ZDHHC14: variants seen among roughly 807,000 people sequenced by gnomAD.
ZDHHC14 encodes palmitoyltransferase ZDHHC14.
In ZDHHC14, 16 loss-of-function variants were observed where a neutral mutation model predicts 47.7. The observed-to-expected ratio is 0.34, with a 90% confidence interval of 0.23 to 0.51. The LOEUF (loss-of-function observed/expected upper bound fraction) is 0.51, where lower values mean the gene tolerates loss of function less well. ZDHHC14 is among the 20% of genes least tolerant of loss of function. The probability of loss-of-function intolerance (pLI) is 0.97; values close to 1 mark genes in which losing one functional copy is unlikely to be tolerated. For missense variants in ZDHHC14, 515 were observed against 662.5 expected (o/e 0.78, Z 2.44); for synonymous variants, 293 against 278.9 (o/e 1.05, Z -0.50).
At chr6:157,446,811 T>TAC (rs753020372) in intron 1 of ZDHHC14, among the ~76,000 whole-genome samples, 2 of 152,176 alleles carry the variant, frequency 1.3e-5, no homozygotes, top group Non-Finnish European at 2.9e-5. Flanking sequence ...GTACAGTATA[T>TAC]ACACACATGG....
intron 1 of ZDHHC14, among the ~76,000 whole-genome samples, chr6:157,409,843 G>A (rs539296403): frequency 6.6e-6 from 1 of 151,558 alleles, no homozygotes; most frequent in African/African-American, 2.4e-5. Flanking sequence ...ATTTTTTGGG[G>A]GGGGGGACAG....
At chr6:157,455,839 TAGAG>T (rs1382323594) in intron 1 of ZDHHC14, among the ~76,000 whole-genome samples, 2 of 152,092 alleles carry the variant, frequency 1.3e-5, no homozygotes, top group South Asian at 2.1e-4. Flanking sequence ...GAAAGGAAAT[TAGAG>T]AGAGAAAGTA....
intron 3 of ZDHHC14, among the ~76,000 whole-genome samples, chr6:157,627,713 T>C (rs1326465856): frequency 6.6e-6 from 1 of 152,230 alleles, no homozygotes; most frequent in Non-Finnish European, 1.5e-5. Context: ...CTGAGCTGAA[T>C]GGCCCCGTGC....
chr6:157,404,217 A>G (rs2114750232), intron 1 of ZDHHC14, among the ~76,000 whole-genome samples: 1 of 150,952 alleles, frequency 6.6e-6, no homozygotes, highest in East Asian at 2.0e-4. Flanking sequence ...GCTCACTGCA[A>G]CCTCCACCTC....
At chr6:157,443,670 G>T (rs1778603238) in intron 1 of ZDHHC14, among the ~76,000 whole-genome samples, 1 of 152,178 alleles carries the variant, frequency 6.6e-6, no homozygotes, top group Admixed American at 6.5e-5. Flanking sequence ...ATGGCCAAGG[G>T]TATTTTCCCA....
At chr6:157,443,217 A>G (rs1376181319) in intron 1 of ZDHHC14, among the ~76,000 whole-genome samples, 1 of 152,146 alleles carries the variant, frequency 6.6e-6, no homozygotes, top group African/African-American at 2.4e-5. Flanking sequence ...CTGCTGCCTT[A>G]TGAAGAAGGT....
At chr6:157,628,271 G>T in intron 3 of ZDHHC14, 78 bp from the exon 4 acceptor site, 1 of 1,455,772 alleles carries the variant, frequency 6.9e-7, no homozygotes, top group South Asian at 1.3e-5. Context: ...TTGGGTGGGA[G>T]GGGCGGGGCT....
chr6:157,575,753 A>G (rs528935212), intron 2 of ZDHHC14, among the ~76,000 whole-genome samples: 3 of 152,328 alleles, frequency 2.0e-5, no homozygotes, highest in Non-Finnish European at 4.4e-5. Context: ...GCAGCAATGC[A>G]TTTTGTTGTG....
At chr6:157,401,093 G>C (rs1442214450) in intron 1 of ZDHHC14, among the ~76,000 whole-genome samples, 2 of 152,254 alleles carry the variant, frequency 1.3e-5, no homozygotes, top group Non-Finnish European at 2.9e-5. Context: ...CATGTGTGGA[G>C]TGTTTTCATT....
intron 2 of ZDHHC14, among the ~76,000 whole-genome samples, chr6:157,585,929 G>A (rs1783680553): frequency 1.3e-5 from 2 of 152,226 alleles, no homozygotes. Flanking sequence ...CAGCACTTGA[G>A]GGCCTGTGGC....
chr6:157,657,838 T>C (rs2114998639), intron 8 of ZDHHC14, among the ~76,000 whole-genome samples: 1 of 152,336 alleles, frequency 6.6e-6, no homozygotes, highest in East Asian at 1.9e-4. Context: ...GATGCCTTTT[T>C]ATCCCCATCT....
intron 1 of ZDHHC14, chr6:157,529,288 T>C (rs1451732925): frequency 1.3e-5 from 2 of 154,396 alleles, no homozygotes; most frequent in East Asian, 3.8e-4. Flanking sequence ...AGAAAGTTTA[T>C]CTTTTTTCAT....
intron 8 of ZDHHC14, among the ~76,000 whole-genome samples, chr6:157,671,046 C>T (rs1239229138): frequency 6.6e-6 from 1 of 152,234 alleles, no homozygotes; most frequent in Non-Finnish European, 1.5e-5. Flanking sequence ...CTCTGCACCG[C>T]TCTGTGGCTG....
intron 1 of ZDHHC14, among the ~76,000 whole-genome samples, chr6:157,437,064 G>A (rs1778454564): frequency 6.6e-6 from 1 of 152,210 alleles, no homozygotes; most frequent in Non-Finnish European, 1.5e-5. Context: ...GGTGACAACA[G>A]CTGGGCCTGC....
At chr6:157,576,477 G>T (rs1783314105) in intron 2 of ZDHHC14, among the ~76,000 whole-genome samples, 1 of 152,172 alleles carries the variant, frequency 6.6e-6, no homozygotes, top group Non-Finnish European at 1.5e-5. Context: ...TATATTCAAT[G>T]ACTCTTAAAG....
chr6:157,564,135 C>T (rs1216301743), intron 2 of ZDHHC14, among the ~76,000 whole-genome samples: 1 of 152,212 alleles, frequency 6.6e-6, no homozygotes, highest in African/African-American at 2.4e-5. Flanking sequence ...TTTCTGCTGA[C>T]CAGATTTTTA....
chr6:157,565,210 G>A (rs1012942997), intron 2 of ZDHHC14, among the ~76,000 whole-genome samples: 1 of 152,144 alleles, frequency 6.6e-6, no homozygotes, highest in Admixed American at 6.5e-5. Context: ...TTGCACCACT[G>A]CACTCCATCC....
At chr6:157,466,405 G>A (rs9393134) in intron 1 of ZDHHC14, among the ~76,000 whole-genome samples, 42,349 of 152,166 alleles carry the variant, frequency 0.28, 6,476 homozygotes, top group East Asian at 0.47. Flanking sequence ...CCAGGGTTTA[G>A]GACTGTGCTT....
chr6:157,408,116 T>A (rs1777804490), intron 1 of ZDHHC14, among the ~76,000 whole-genome samples: 1 of 152,230 alleles, frequency 6.6e-6, no homozygotes, highest in Admixed American at 6.5e-5. Flanking sequence ...CTCTGTTTTA[T>A]ACATCAGTTT....
Sources: gnomAD v4.1 joint callset for allele counts (sites outside exome capture counted in the v4.1 genomes callset) on GRCh38, gnomAD v4.1.1 for gene constraint, MANE v1.5 for transcripts, NCBI Gene and HGNC (gene_info 2026-07-23, HGNC 2026-07-21) for gene names.